Variants in CSGALNACT1 observed in about 807,000 individuals in gnomAD.
CSGALNACT1 encodes beta4GalNAcT-1.
Under a neutral mutation model 51.0 loss-of-function variants are expected in CSGALNACT1, and 52 were observed. The observed-to-expected ratio is 1.02, with a 90% CI of 0.82 to 1.29. CSGALNACT1 has a LOEUF of 1.29. Among genes scored for constraint, CSGALNACT1 ranks in the 50% most tolerant of loss-of-function variants. The pLI is 0.00. For synonymous variants in CSGALNACT1, 341 were observed against 254.4 expected (o/e 1.34, Z -3.24); for missense variants, 935 against 679.2 (o/e 1.38, Z -4.19).
rs115843994 is a variant in CSGALNACT1 at position 19,563,847 on chromosome 8, A to C, written c.-297+27313T>G. 9.4e-3 allele frequency among the ~76,000 whole-genome samples: 1,433 copies of C among 152,030 alleles called. 18 individuals are homozygous for C. The highest frequency in any genetic ancestry group is 0.032 in the African/African-American group (1,337 of 41,454). On this transcript the variant is annotated intron_variant, in intron 3 of 9. Coordinates refer to ENST00000454498, the Ensembl canonical transcript of CSGALNACT1. ...CCTTGCGTAACACTCAAAGGCCTCC[A>C]ACCTCCCCTTCAGCCCCTCCCCCAG...
At chr8:19,651,380 C>G (rs186911282) in intron 1 of CSGALNACT1, among the ~76,000 whole-genome samples, 1 of 152,146 alleles carries the variant, frequency 6.6e-6, no homozygotes, top group Non-Finnish European at 1.5e-5. Context: ...TAACAAGGCT[C>G]GCACCCAATA....
chr8:19,651,928 TTG>T (rs201631367), intron 1 of CSGALNACT1, among the ~76,000 whole-genome samples: 15 of 105,496 alleles, frequency 1.4e-4, no homozygotes, highest in African/African-American at 4.5e-4. Context: ...TTTTTTTGTT[TTG>T]TTTTGTTTTG....
At chr8:19,616,728 C>T (rs944110825) in intron 1 of CSGALNACT1, among the ~76,000 whole-genome samples, 7 of 152,156 alleles carry the variant, frequency 4.6e-5, no homozygotes, top group Non-Finnish European at 8.8e-5. Flanking sequence ...GATGTATCTG[C>T]TCCTGCCTCA....
chr8:19,542,065 G>A lies in CSGALNACT1; in HGVS notation c.-296-35935C>T, dbSNP rs191497130. Among the ~76,000 whole-genome samples, 18 of 152,274 alleles carry A rather than the reference G, an allele frequency of 1.2e-4. No homozygotes were observed. The East Asian group carries it at 3.5e-3, about 29-fold the overall frequency. On this transcript the variant is annotated intron_variant, in intron 3 of 9. Transcript: ENST00000454498. ...ATAAAAAATATTCTCTAACCAAGGAGATTGTCTAGTTCTTGATGGAAGCAA... is the reference window on the plus strand; with the variant it reads ...ATAAAAAATATTCTCTAACCAAGGAAATTGTCTAGTTCTTGATGGAAGCAA...
intron 1 of CSGALNACT1, among the ~76,000 whole-genome samples, chr8:19,673,941 G>A (rs142593107): frequency 1.3e-5 from 2 of 152,300 alleles, no homozygotes; most frequent in African/African-American, 4.8e-5. Flanking sequence ...GATAAATGCA[G>A]AGAACTTGTC....
upstream of CSGALNACT1, among the ~76,000 whole-genome samples, chr8:19,683,925 G>A (rs1261803273): frequency 6.6e-6 from 1 of 152,096 alleles, no homozygotes; most frequent in African/African-American, 2.4e-5. Context: ...CAGCACTTTG[G>A]AAGGCCAAGG....
intron 1 of CSGALNACT1, among the ~76,000 whole-genome samples, chr8:19,640,419 G>C (rs144375736): frequency 9.7e-4 from 148 of 152,244 alleles, no homozygotes; most frequent in African/African-American, 3.3e-3. Context: ...GAATTCAGCT[G>C]CTAGAGTATT....
chr8:19,683,195 C>A (rs371753332), upstream of CSGALNACT1: 3 of 154,644 alleles, frequency 1.9e-5, no homozygotes, highest in South Asian at 5.9e-4. Flanking sequence ...GGCTTTTCCA[C>A]GATGTGTAAA....
chr8:19,505,884 GC>G lies in CSGALNACT1; in HGVS notation c.-51del. On this transcript the variant is annotated 5_prime_UTR_variant, in exon 4 of 10. The change abolishes the stop of an existing upstream ORF in the 5' untranslated region. Transcript: ENST00000454498. ...ACCGGTGGCATCCCTCAAAGCCGGG[GC>G]CCCCACGGAAGGGCTTCCCTGGGCT... The G allele has an allele frequency of 6.2e-7, 1 of 1,600,488 alleles. No homozygotes were observed. Among genetic ancestry groups the G allele is most frequent in the Non-Finnish European group, 8.5e-7 (1 of 1,179,060 alleles).
intron 1 of CSGALNACT1, among the ~76,000 whole-genome samples, chr8:19,677,523 T>C (rs1243014964): frequency 6.6e-6 from 1 of 152,100 alleles, no homozygotes; most frequent in Non-Finnish European, 1.5e-5. Context: ...ACAATGACCT[T>C]CAGTAAGTGA....
rs181114069 is a variant in CSGALNACT1 at position 19,727,027 on chromosome 8, C to T, written c.-297+30823G>A. Among the ~76,000 whole-genome samples the T allele has an allele frequency of 5.9e-5, 9 of 152,196 alleles. No homozygotes were observed. The East Asian group carries it at 1.7e-3, about 29-fold the overall frequency. ...GAATAAACTCCAGCACTTTTATTCC[C>T]CTCAAAATTCAAATCCCTGGGAAGA... is the stretch of plus-strand genomic sequence containing the variant. On this transcript the variant is annotated intron_variant, in intron 1 of 1. Coordinates refer to the CSGALNACT1 transcript ENST00000517494.
rs34752027 is a variant in CSGALNACT1 at position 19,586,407 on chromosome 8, G to GAAA, written c.-297+4750_-297+4752dup. Among the ~76,000 whole-genome samples the GAAA allele has an allele frequency of 1.9e-4, 18 of 94,810 alleles. No homozygotes were observed. The South Asian group carries it at 4.5e-3, about 24-fold the overall frequency. The allele number at this position is 94,810 out of a possible 152,430, so 62.2% of individuals were successfully genotyped here. A position where few individuals can be genotyped will look rare whatever the true frequency, so the allele number is the denominator to read the frequency against. On this transcript the variant is annotated intron_variant, in intron 3 of 9. Transcript: ENST00000454498. ...TGGAGACACGCACCGTAGTCTTATAGAAAAAAAAAAAAAAAAGAAGAAGAA... is the reference window on the plus strand; with the variant it reads ...TGGAGACACGCACCGTAGTCTTATAGAAAAAAAAAAAAAAAAAAAGAAGAAGAA...
chr8:19,509,927 C>G (rs184117244), intron 3 of CSGALNACT1, among the ~76,000 whole-genome samples: 2 of 152,246 alleles, frequency 1.3e-5, no homozygotes, highest in East Asian at 3.9e-4. Flanking sequence ...AAGGCACCCA[C>G]ATTTTTAGAC....
intron 5 of CSGALNACT1, among the ~76,000 whole-genome samples, chr8:19,442,718 A>T (rs1391057544): frequency 2.0e-5 from 3 of 149,466 alleles, no homozygotes; most frequent in Admixed American, 6.7e-5. Flanking sequence ...TTAAAGTATA[A>T]AAAAAAAAAA....
chr8:19,477,422 G>C (rs149946351), intron 4 of CSGALNACT1, among the ~76,000 whole-genome samples: 1 of 152,082 alleles, frequency 6.6e-6, no homozygotes, highest in African/African-American at 2.4e-5. Context: ...CTTTTCCAGC[G>C]GACGATAGCA....
At chr8:19,459,419 A>C (rs1420256640) in intron 4 of CSGALNACT1, among the ~76,000 whole-genome samples, 1 of 149,676 alleles carries the variant, frequency 6.7e-6, no homozygotes, top group Non-Finnish European at 1.5e-5. Context: ...GAAAGAAGTT[A>C]TGTCCATTTC....
rs1329065307 is a variant in CSGALNACT1 at position 19,532,753 on chromosome 8, C to T, written c.-296-26623G>A. Among the ~76,000 whole-genome samples the T allele has an allele frequency of 2.6e-5, 4 of 152,140 alleles. No homozygotes were observed. The East Asian group carries it at 5.8e-4, about 22-fold the overall frequency. ...CTCATCACAGATACACATGTTCAGG[C>T]TGGTTAACCCTTGGCGAGAAGGTAC... On this transcript the variant is annotated intron_variant, in intron 3 of 9. Coordinates refer to ENST00000454498, the Ensembl canonical transcript of CSGALNACT1.
At chr8:19,408,837 G>A in intron 8 of CSGALNACT1, 143 bp from the exon 8 acceptor site, 2 of 745,420 alleles carry the variant, frequency 2.7e-6, no homozygotes, top group Admixed American at 2.0e-5. Context: ...AAACGCAGAT[G>A]GATTTGAGTC....
At chr8:19,740,371 C>G (rs1434682860) in intron 1 of CSGALNACT1, among the ~76,000 whole-genome samples, 2 of 152,246 alleles carry the variant, frequency 1.3e-5, no homozygotes, top group African/African-American at 4.8e-5. Flanking sequence ...CTCAAAGCAG[C>G]TGCTCTCTCT....
Sources: gnomAD v4.1 joint callset for allele counts (sites outside exome capture counted in the v4.1 genomes callset) on GRCh38, gnomAD v4.1.1 for gene constraint, MANE v1.5 for transcripts, NCBI Gene and HGNC (gene_info 2026-07-23, HGNC 2026-07-21) for gene names.